CLN6: variants seen among roughly 807,000 people sequenced by gnomAD.
CLN6 encodes the protein ceroid-lipofuscinosis neuronal protein 6.
Under a neutral mutation model 33.3 loss-of-function variants are expected in CLN6, and 22 were observed. The observed-to-expected ratio is 0.66, with a 90% CI of 0.47 to 0.94. CLN6 has a LOEUF of 0.94. Ranked by LOEUF, CLN6 falls within the 40% of genes least tolerant of loss-of-function variation. CLN6 has a pLI of 0.00. For missense variants in CLN6, 387 were observed against 417.1 expected (o/e 0.93, Z 0.63); for synonymous variants, 201 against 174.6 (o/e 1.15, Z -1.19).
chr15:68,246,881 C>A lies in CLN6; in HGVS notation c.179+9809G>T, dbSNP rs1892333425. Among the ~76,000 whole-genome samples the A allele has an allele frequency of 6.6e-6, 1 of 152,042 alleles. No homozygotes were observed. Among genetic ancestry groups the A allele is most frequent in the Non-Finnish European group, 1.5e-5 (1 of 68,020 alleles). On this transcript the variant is annotated intron_variant, in intron 1 of 6. Transcript: ENST00000538696. This position sits in a 1 kb window ranked among gnomAD's most constrained non-coding sequence, Gnocchi z 4.5. The stretch of plus-strand genomic sequence containing the variant: ...TAAATAAAATTAAAAATGGGCTGGG[C>A]ACGGTGGCTCATGACTGTAATCCTA...
rs759700126 is a variant in CLN6 at position 68,242,541 on chromosome 15, A to AAAAT, written c.179+14145_179+14148dup. Among the ~76,000 whole-genome samples, 464 of 152,190 alleles carry AAAAT rather than the reference A, an allele frequency of 3.0e-3. 3 individuals are homozygous for AAAAT. The highest frequency in any genetic ancestry group is 4.7e-3 in the Non-Finnish European group (318 of 67,994). On this transcript the variant is annotated intron_variant, in intron 1 of 6. Coordinates refer to the CLN6 transcript ENST00000538696. This position sits in a 1 kb window ranked among gnomAD's most constrained non-coding sequence, Gnocchi z 5.0. ...ATAAATAATAAGGAGACTCCATCTC[A>AAAAT]AAATAAATAAATAAATAAATAAGGA...
In CLN6 at chr15:68,211,022, C is replaced by T. The variant is rs1166782273; in HGVS notation, c.542+241G>A. ...GGCACTGAGGGCTGGGCGGGGGTGGCGATGCTGGGGGGATGCTGGCTGGAA... is the reference window on the plus strand; with the variant it reads ...GGCACTGAGGGCTGGGCGGGGGTGGTGATGCTGGGGGGATGCTGGCTGGAA... On this transcript the variant is annotated intron_variant, in intron 5 of 6. Transcript: ENST00000249806. The surrounding 1 kb of genome is among the most constrained non-coding windows in gnomAD (Gnocchi z 5.9). 2.6e-5 allele frequency among the ~76,000 whole-genome samples: 4 copies of T among 152,122 alleles called. No individual in the cohort carries two copies. The highest frequency in any genetic ancestry group is 6.5e-5 in the Admixed American group (1 of 15,282).
chr15:68,246,985 G>A lies in CLN6; in HGVS notation c.179+9705C>T, dbSNP rs572128893. ...AGCCTGGCCAACATATTAAAACCCT[G>A]TCTCTATTAAAAATACAAAAATTAG... is the stretch of plus-strand genomic sequence containing the variant. On this transcript the variant is annotated intron_variant, in intron 1 of 6. Coordinates refer to the CLN6 transcript ENST00000538696. This position sits in a 1 kb window ranked among gnomAD's most constrained non-coding sequence, Gnocchi z 4.5. Among the ~76,000 whole-genome samples, 3 of 152,012 alleles carry A rather than the reference G, an allele frequency of 2.0e-5. No individual in the cohort carries two copies. The highest frequency in any genetic ancestry group is 3.9e-4 in the East Asian group (2 of 5,172).
At position 68,207,979 on chromosome 15, in the gene CLN6, G is replaced by GACACACAC. The variant is rs3837692; in HGVS notation, c.*153_*160dup. On this transcript the variant is annotated 3_prime_UTR_variant, in exon 7 of 7. Transcript: ENST00000249806. ...ATGCACTCTGCGCACACATATACAA[G>GACACACAC]ACACACACACACACACACACGAATC... 1,355 of 631,270 alleles carry GACACACAC rather than the reference G, an allele frequency of 2.1e-3. 10 individuals are homozygous for GACACACAC. The African/African-American group carries it at 0.022, about 10-fold the overall frequency. The allele number at this position is 631,270 out of a possible 1,614,324, so 39.1% of individuals were successfully genotyped here.
intron 1 of CLN6, among the ~76,000 whole-genome samples, chr15:68,229,057 T>C (rs2093260070): frequency 6.6e-6 from 1 of 151,998 alleles, no homozygotes; most frequent in Non-Finnish European, 1.5e-5. Flanking sequence ...CAGAATCAAG[T>C]CCTACTCAGG....
rs144635696 is a variant in CLN6, at chr15:68,240,799, C to T, written c.179+15891G>A. Among the ~76,000 whole-genome samples the T allele has an allele frequency of 6.3e-4, 96 of 151,700 alleles. 3 individuals are homozygous for T. The East Asian group carries it at 0.013, about 21-fold the overall frequency. On this transcript the variant is annotated intron_variant, in intron 1 of 6. Coordinates refer to the CLN6 transcript ENST00000538696. ...GGGAGTTCGAGACCACCCTGGCCAA[C>T]GTGGTGAAACCCTGTCTCTACTAAA...
intron 1 of CLN6, among the ~76,000 whole-genome samples, chr15:68,229,298 G>A (rs917255090): frequency 6.6e-6 from 1 of 152,098 alleles, no homozygotes; most frequent in Admixed American, 6.5e-5. Flanking sequence ...GCCCCGCTGG[G>A]CCCCAGGCTC....
At position 68,212,069 on chromosome 15, in the gene CLN6, C is replaced by A. The variant is rs2093207545; in HGVS notation, c.298-206G>T. 3 of 598,316 alleles carry A rather than the reference C, an allele frequency of 5.0e-6. No individual in the cohort carries two copies. The South Asian group carries it at 6.0e-5, about 12-fold the overall frequency. 37.1% of individuals were successfully genotyped at this position (598,316 alleles called of 1,614,324 possible). On this transcript the variant is annotated intron_variant, in intron 3 of 6. Coordinates refer to ENST00000249806, the MANE Select transcript of CLN6 (RefSeq NM_017882.3). ...ACCCCGGAGGGAATGTGGAGCAGCA[C>A]CCCCCGCTGACTTTACCCAGGGAGC...
Position 68,242,018 on chromosome 15 carries a change from A to T in CLN6, c.179+14672T>A, listed in dbSNP as rs555144202. On this transcript the variant is annotated intron_variant, in intron 1 of 6. Coordinates refer to the CLN6 transcript ENST00000538696. The surrounding 1 kb of genome is among the most constrained non-coding windows in gnomAD (Gnocchi z 5.0). ...ACTAGAATAAATAAATAATCCTTCA[A>T]TGCAAAGATGTAGATGTATATCCAC... 2.0e-5 allele frequency among the ~76,000 whole-genome samples: 3 copies of T among 152,234 alleles called. No homozygotes were observed. The highest frequency in any genetic ancestry group is 4.4e-5 in the Non-Finnish European group (3 of 68,044).
At chr15:68,255,725 A>G (rs1362297929) in intron 1 of CLN6, among the ~76,000 whole-genome samples, 1 of 152,244 alleles carries the variant, frequency 6.6e-6, no homozygotes, top group African/African-American at 2.4e-5. Flanking sequence ...TGGGAAAATA[A>G]AAGAAACAAT....
intron 1 of CLN6, among the ~76,000 whole-genome samples, chr15:68,250,624 C>CAAAA (rs57895966): frequency 3.2e-5 from 2 of 61,638 alleles, no homozygotes; most frequent in Admixed American, 1.7e-4. Context: ...GACTCTGTCT[C>CAAAA]AAAAAAAAAA....
intron 1 of CLN6, among the ~76,000 whole-genome samples, chr15:68,222,388 G>A (rs1290722722): frequency 1.4e-5 from 2 of 144,288 alleles, no homozygotes; most frequent in Admixed American, 1.4e-4. Context: ...TGGGAGGTGA[G>A]GAGCGTCTCT....
chr15:68,207,873 G>C lies in CLN6; in HGVS notation c.*267C>G, dbSNP rs2093191791. The C allele has an allele frequency of 1.9e-6, 1 of 520,152 alleles. No individual in the cohort carries two copies. Among genetic ancestry groups the C allele is most frequent in the Non-Finnish European group, 3.5e-6 (1 of 287,360 alleles). 32.2% of individuals were successfully genotyped at this position (520,152 alleles called of 1,614,324 possible). On this transcript the variant is annotated 3_prime_UTR_variant, in exon 7 of 7. Transcript: ENST00000249806. ...GGGCAGGGGCCCGGATCCTGGCCCA[G>C]AAACACTCTAAAACAGAATCCGATC...
At chr15:68,229,763 GC>G, upstream of CLN6, 1 of 249,788 alleles carries the variant, frequency 4.0e-6, no homozygotes, top group Non-Finnish European at 6.3e-6. Flanking sequence ...GCGGAGCGGA[GC>G]GGAGCGGAGC....
chr15:68,248,935 G>A (rs866216746), intron 1 of CLN6, among the ~76,000 whole-genome samples: 6 of 151,904 alleles, frequency 3.9e-5, no homozygotes, highest in Non-Finnish European at 5.9e-5. Context: ...AATATACAAG[G>A]AACTCAAAGA....
intron 1 of CLN6, among the ~76,000 whole-genome samples, chr15:68,252,696 T>C (rs1461148325): frequency 2.0e-5 from 3 of 152,102 alleles, no homozygotes; most frequent in East Asian, 3.9e-4. Flanking sequence ...AATGGAAAAA[T>C]AGTGATATAT....
Position 68,235,592 on chromosome 15 carries a change from ATATATATATATATATATATAT to A in CLN6, c.180-16963_180-16943del, listed in dbSNP as rs1567103361. 5.3e-4 allele frequency among the ~76,000 whole-genome samples: 55 copies of A among 104,272 alleles called. 2 individuals are homozygous for A. Among genetic ancestry groups the A allele is most frequent in the African/African-American group, 9.1e-4 (23 of 25,362 alleles). 68.4% of individuals were successfully genotyped at this position (104,272 alleles called of 152,430 possible). On this transcript the variant is annotated intron_variant, in intron 1 of 6. Transcript: ENST00000538696. Reference sequence around the variant, plus strand: ...CTAAAAAAAAAATAAAAATAAATATATATATATATATATATATATATATATATATATATATATATATCGATT... The same window carrying A: ...CTAAAAAAAAAATAAAAATAAATATAATATATATATATATATATATCGATT...
chr15:68,209,741 G>A lies in CLN6; in HGVS notation c.561C>T (p.Leu187=). ...AGCCGCTGAAGTACATGAAGAGGATGAGGAAGAAGGGGATGTACCTGTGAC... is the reference window on the plus strand; with the variant it reads ...AGCCGCTGAAGTACATGAAGAGGATAAGGAAGAAGGGGATGTACCTGTGAC... ...GHCMWYIPFF[L]ILFMYFSGCF... The change falls in exon 6 of 7, where the codon CTC becomes CTT. Residue 187 remains leucine, a synonymous_variant. Transcript: ENST00000249806. The surrounding 1 kb of genome is among the most constrained non-coding windows in gnomAD (Gnocchi z 4.9). 6.2e-7 allele frequency: 1 copy of A among 1,613,648 alleles called. No homozygotes were observed. The highest frequency in any genetic ancestry group is 8.5e-7 in the Non-Finnish European group (1 of 1,179,900).
chr15:68,239,514 A>ATATTGT (rs1892263157), intron 1 of CLN6, among the ~76,000 whole-genome samples: 1 of 152,176 alleles, frequency 6.6e-6, no homozygotes, highest in Non-Finnish European at 1.5e-5. Flanking sequence ...ATAAGAGATA[A>ATATTGT]ATAAGGACTT....
Sources: allele counts gnomAD v4.1 joint callset (sites outside exome capture counted in the v4.1 genomes callset), GRCh38; gene constraint gnomAD v4.1.1; non-coding constraint Gnocchi (gnomAD v3.1); transcripts MANE v1.5; gene names NCBI Gene and HGNC (gene_info 2026-07-23, HGNC 2026-07-21).